Variants in ZFAND6 observed in about 807,000 individuals in gnomAD.
ZFAND6 encodes AN1-type zinc finger protein 6.
In ZFAND6, 12 loss-of-function variants were observed where a neutral mutation model predicts 24.5. That is an observed-to-expected ratio of 0.49 (90% CI 0.31 to 0.79). The LOEUF is 0.79. Among genes scored for constraint, ZFAND6 ranks in the 30% least tolerant of loss-of-function variants. ZFAND6 has a pLI of 0.04. For missense variants in ZFAND6, 207 were observed against 245.9 expected (o/e 0.84, Z 1.06); for synonymous variants, 92 against 81.5 (o/e 1.13, Z -0.69).
chr15:80,106,902 G>A (rs1013436984), intron 2 of ZFAND6, among the ~76,000 whole-genome samples: 5 of 152,180 alleles, frequency 3.3e-5, no homozygotes, highest in African/African-American at 1.2e-4. Context: ...ATACAATGAA[G>A]TGTAATCAGA....
intron 3 of ZFAND6, 157 bp downstream of exon 3, chr15:80,120,655 T>A: frequency 3.8e-6 from 2 of 522,794 alleles, no homozygotes; most frequent in African/African-American, 2.0e-5. Flanking sequence ...TAATCAGTAG[T>A]GAGGAGTTAG....
intron 6 of ZFAND6, among the ~76,000 whole-genome samples, chr15:80,131,998 A>G (rs578194618): frequency 1.1e-4 from 16 of 152,370 alleles, no homozygotes; most frequent in African/African-American, 3.6e-4. Context: ...GGCAGAAAGA[A>G]TAACTTGAAG....
chr15:80,074,644 C>G (rs1022826109), intron 1 of ZFAND6, among the ~76,000 whole-genome samples: 2 of 151,808 alleles, frequency 1.3e-5, no homozygotes, highest in Non-Finnish European at 3.0e-5. Context: ...CAGCATCTTT[C>G]CAGTATTTTA....
intron 1 of ZFAND6, among the ~76,000 whole-genome samples, chr15:80,093,887 A>G (rs931987714): frequency 3.3e-5 from 5 of 152,186 alleles, no homozygotes; most frequent in Non-Finnish European, 5.9e-5. Flanking sequence ...CAGTAGAATA[A>G]TAAGATTGGG....
chr15:80,083,298 AC>A (rs2037791218), intron 1 of ZFAND6, among the ~76,000 whole-genome samples: 1 of 152,074 alleles, frequency 6.6e-6, no homozygotes, highest in Admixed American at 6.6e-5. Flanking sequence ...GCCTATACAT[AC>A]GTTATTTTAA....
chr15:80,077,616 A>G (rs1237885964), intron 1 of ZFAND6, among the ~76,000 whole-genome samples: 1 of 152,042 alleles, frequency 6.6e-6, no homozygotes, highest in East Asian at 1.9e-4. Context: ...ATTATTAACT[A>G]TAGTTGGGAA....
chr15:80,084,171 A>T (rs1355892782), intron 1 of ZFAND6, among the ~76,000 whole-genome samples: 2 of 152,218 alleles, frequency 1.3e-5, no homozygotes, highest in African/African-American at 4.8e-5. Flanking sequence ...TGATTACAGC[A>T]CACACATAGT....
At chr15:80,063,077 G>A (rs1030623251) in intron 1 of ZFAND6, among the ~76,000 whole-genome samples, 1 of 152,012 alleles carries the variant, frequency 6.6e-6, no homozygotes, top group Non-Finnish European at 1.5e-5. Flanking sequence ...CCTCCCAGTA[G>A]CTTTTCAATA....
At chr15:80,080,797 G>T (rs2037619399) in intron 1 of ZFAND6, among the ~76,000 whole-genome samples, 1 of 152,214 alleles carries the variant, frequency 6.6e-6, no homozygotes. Context: ...GGGAGCTGGT[G>T]CATCACATGA....
At chr15:80,123,279 G>A (rs532231497) in intron 5 of ZFAND6, among the ~76,000 whole-genome samples, 17 of 152,224 alleles carry the variant, frequency 1.1e-4, no homozygotes, top group African/African-American at 2.9e-4. Flanking sequence ...GGTATCTATC[G>A]TGTCTTGCCC....
chr15:80,075,869 C>A (rs183845494), intron 1 of ZFAND6, among the ~76,000 whole-genome samples: 3 of 152,184 alleles, frequency 2.0e-5, no homozygotes, highest in Non-Finnish European at 2.9e-5. Flanking sequence ...TCCATCTATC[C>A]CTGTTTATAC....
chr15:80,099,908 T>TGC (rs1277670302), intron 2 of ZFAND6, among the ~76,000 whole-genome samples: 3 of 152,178 alleles, frequency 2.0e-5, no homozygotes, highest in Non-Finnish European at 4.4e-5. Context: ...TGAGCCACCT[T>TGC]GCGCGGCCGA....
At chr15:80,109,723 A>G (rs754819544) in intron 2 of ZFAND6, among the ~76,000 whole-genome samples, 6 of 152,252 alleles carry the variant, frequency 3.9e-5, no homozygotes, top group Non-Finnish European at 5.9e-5. Flanking sequence ...AGATTTTAAT[A>G]GGATCACTGG....
chr15:80,088,295 AGT>A (rs1341548073), intron 1 of ZFAND6, among the ~76,000 whole-genome samples: 5 of 152,124 alleles, frequency 3.3e-5, no homozygotes, highest in Admixed American at 6.6e-5. Flanking sequence ...GGCCGAGCAC[AGT>A]GTGGTTCATG....
At chr15:80,117,286 G>A (rs1007124537) in intron 2 of ZFAND6, among the ~76,000 whole-genome samples, 3 of 151,706 alleles carry the variant, frequency 2.0e-5, no homozygotes, top group Non-Finnish European at 2.9e-5. Flanking sequence ...GCAGTGGCAC[G>A]ATCTTGGCTC....
chr15:80,120,469 A>T lies in ZFAND6; in HGVS notation c.125A>T (p.Asn42Ile), dbSNP rs2142012936. 6.3e-7 allele frequency: 1 copy of T among 1,579,518 alleles called. No homozygotes were observed. The highest frequency in any genetic ancestry group is 8.6e-7 in the Non-Finnish European group (1 of 1,159,080). ...VCYKEHLQRQ[N>I]SSNGRISPPA... is the part of the protein sequence containing the mutation. ...TATAAAGAACATCTTCAAAGACAGA[A>T]TAGTAGTAATGGTAGAATAAGCCCA... The change falls in exon 3 of 7, where the codon AAT (asparagine) becomes ATT (isoleucine). Residue 42 changes from asparagine to isoleucine, a missense_variant. By Grantham distance (149) the Asn-to-Ile change is moderately radical. This residue lies in a region of ZFAND6 where 29 missense variants were observed against 55.4 expected (regional missense o/e 0.52). Coordinates refer to ENST00000261749, the MANE Select transcript of ZFAND6 (RefSeq NM_019006.4).
intron 5 of ZFAND6, among the ~76,000 whole-genome samples, chr15:80,126,289 T>G (rs773145538): frequency 4.6e-5 from 7 of 152,208 alleles, no homozygotes; most frequent in Non-Finnish European, 1.0e-4. Context: ...GTTTTAAAAA[T>G]CAGGCATTTC....
intron 1 of ZFAND6, among the ~76,000 whole-genome samples, chr15:80,061,659 A>AT (rs2036340375): frequency 6.6e-6 from 1 of 152,162 alleles, no homozygotes; most frequent in African/African-American, 2.4e-5. Context: ...TCATTGCTTT[A>AT]TGATATGTTA....
chr15:80,134,693 A>T (rs375942042), intron 6 of ZFAND6, among the ~76,000 whole-genome samples: 1 of 152,202 alleles, frequency 6.6e-6, no homozygotes, highest in East Asian at 1.9e-4. Context: ...TCTTGGAGAT[A>T]TTCAGGAGCT....
Sources: allele counts gnomAD v4.1 joint callset (sites outside exome capture counted in the v4.1 genomes callset), GRCh38; gene constraint gnomAD v4.1.1; regional missense constraint gnomAD v4.1.1; transcripts MANE v1.5; gene names NCBI Gene and HGNC (gene_info 2026-07-23, HGNC 2026-07-21).